The following OSBPL9 variants were observed in gnomAD, a reference collection of about 807,000 sequenced individuals.
The protein encoded by OSBPL9 is oxysterol binding protein like 9.
Under a neutral mutation model 106.6 loss-of-function variants are expected in OSBPL9, and 40 were observed. The observed-to-expected ratio is 0.38, with a 90% CI of 0.29 to 0.49. The LOEUF (loss-of-function observed/expected upper bound fraction) is 0.49, where lower values mean the gene tolerates loss of function less well. Among genes scored for constraint, OSBPL9 ranks in the 20% least tolerant of loss-of-function variants. The pLI is 0.97. For missense variants in OSBPL9, 609 were observed against 887.2 expected (o/e 0.69, Z 3.98); for synonymous variants, 269 against 295.4 (o/e 0.91, Z 0.92).
the OSBPL9 span, among the ~76,000 whole-genome samples, chr1:51,518,644 G>T: frequency 6.6e-6 from 1 of 152,182 alleles, no homozygotes; most frequent in Non-Finnish European, 1.5e-5. Flanking sequence ...GGAAGGGAGG[G>T]CTTCCGTCGG....
At chr1:51,610,995 T>C (rs1019647189) in intron 2 of OSBPL9, among the ~76,000 whole-genome samples, 6 of 152,028 alleles carry the variant, frequency 3.9e-5, no homozygotes, top group African/African-American at 1.5e-4. Context: ...AAAGGTCACT[T>C]CCATCTGTGA....
chr1:51,679,627 C>T (rs1287030602), intron 3 of OSBPL9, among the ~76,000 whole-genome samples: 1 of 152,224 alleles, frequency 6.6e-6, no homozygotes, highest in Admixed American at 6.5e-5. Flanking sequence ...AAATTGCACA[C>T]TCTTCTGCTC....
At chr1:51,544,536 A>G in the OSBPL9 span, among the ~76,000 whole-genome samples, 1 of 152,296 alleles carries the variant, frequency 6.6e-6, no homozygotes, top group South Asian at 2.1e-4. Context: ...ACTTTCGTGT[A>G]GGCTTTTGTT....
At position 51,607,441 on chromosome 1, in the gene OSBPL9, C is replaced by T. The variant is rs372037095; in HGVS notation, c.-352-6864C>T. Among the ~76,000 whole-genome samples the T allele has an allele frequency of 3.9e-5, 6 of 152,084 alleles. No homozygotes were observed. The South Asian group carries it at 1.2e-3, about 32-fold the overall frequency. On this transcript the variant is annotated intron_variant, in intron 2 of 25. Coordinates refer to the OSBPL9 transcript ENST00000371714. ...CCTCCCAAAGAGCTAGGATTACAGG[C>T]GTGAGCCACCACACTTGGCCTACAG...
chr1:51,767,357 T>C (rs856602), intron 12 of OSBPL9, among the ~76,000 whole-genome samples: 148,540 of 151,624 alleles, frequency 0.98, 72,765 homozygotes, highest in East Asian at 1. Flanking sequence ...TGGGCTGCTG[T>C]ACTCCAGCCT....
intron 15 of OSBPL9, 75 bp from the exon 16 acceptor site, chr1:51,781,089 C>A: frequency 6.9e-7 from 1 of 1,439,696 alleles, no homozygotes; most frequent in African/African-American, 1.4e-5. Flanking sequence ...TTAGGTGGAC[C>A]ATGCTGGGGG....
intron 1 of OSBPL9, among the ~76,000 whole-genome samples, chr1:51,649,736 C>CTTTTTTT (rs71578080): frequency 1.0e-5 from 1 of 96,990 alleles, no homozygotes; most frequent in Non-Finnish European, 2.1e-5. Flanking sequence ...ACATGTTAGT[C>CTTTTTTT]TTTTTTTTTT....
the OSBPL9 span, among the ~76,000 whole-genome samples, chr1:51,569,026 T>C: frequency 6.6e-6 from 1 of 152,138 alleles, no homozygotes; most frequent in African/African-American, 2.4e-5. Flanking sequence ...AGCCTTAACT[T>C]AATTTTCAAC....
chr1:51,635,135 G>A (rs1430562167), intron 1 of OSBPL9, among the ~76,000 whole-genome samples: 6 of 152,150 alleles, frequency 3.9e-5, no homozygotes, highest in Non-Finnish European at 8.8e-5. Context: ...TTTTACCTGT[G>A]GGAAAAGTTT....
chr1:51,589,515 AG>A (rs990144240), intron 1 of OSBPL9, among the ~76,000 whole-genome samples: 1 of 152,192 alleles, frequency 6.6e-6, no homozygotes, highest in African/African-American at 2.4e-5. Context: ...AACCGTATAC[AG>A]GGGAATAATA....
At chr1:51,745,684 C>G (rs1458961587) in intron 5 of OSBPL9, 53 bp downstream of exon 5, 3 of 1,418,044 alleles carry the variant, frequency 2.1e-6, no homozygotes, top group East Asian at 5.4e-5. Flanking sequence ...TGTTACTGAG[C>G]TTGATTTTTG....
Position 51,608,459 on chromosome 1 carries a change from A to ATT in OSBPL9, c.-352-5833_-352-5832dup, listed in dbSNP as rs112205799. On this transcript the variant is annotated intron_variant, in intron 2 of 25. Transcript: ENST00000371714. ...AGGAGTGTGCCACCATGCCCAGCTA[A>ATT]TTTTTTTTTTTTTTATTTTTAGTAG... Among the ~76,000 whole-genome samples the ATT allele has an allele frequency of 6.2e-4, 90 of 144,822 alleles. 3 individuals carry two copies. The South Asian group carries it at 0.012, about 19-fold the overall frequency.
intron 1 of OSBPL9, among the ~76,000 whole-genome samples, chr1:51,581,487 A>G (rs1460605327): frequency 6.6e-6 from 1 of 152,194 alleles, no homozygotes; most frequent in Non-Finnish European, 1.5e-5. Context: ...GTCAATATGT[A>G]CAGTCCACAC....
At chr1:51,707,881 C>A in intron 3 of OSBPL9, 1 of 230,716 alleles carries the variant, frequency 4.3e-6, no homozygotes, top group South Asian at 7.5e-5. Context: ...GCACCAGTGT[C>A]ACCCCCATTT....
rs928472654 is a variant in OSBPL9, at chr1:51,749,470, A to G, written c.493-675A>G. On this transcript the variant is annotated intron_variant, in intron 7 of 23. Transcript: ENST00000428468. ...TAGGGCTATAGGCACACGCTACCACACACAGCTAATTTTTATTTTAATTTT... is the reference window on the plus strand; with the variant it reads ...TAGGGCTATAGGCACACGCTACCACGCACAGCTAATTTTTATTTTAATTTT... 4 of 418,030 alleles carry G rather than the reference A, an allele frequency of 9.6e-6. No individual in the cohort carries two copies. The East Asian group carries it at 2.1e-4, about 22-fold the overall frequency. The allele number at this position is 418,030 out of a possible 1,614,324, so 25.9% of individuals were successfully genotyped here. A position where few individuals can be genotyped will look rare whatever the true frequency, so the allele number is the denominator to read the frequency against.
At chr1:51,781,645 A>G (rs1215955236) in intron 16 of OSBPL9, 1 of 244,032 alleles carries the variant, frequency 4.1e-6, no homozygotes, top group Non-Finnish European at 8.1e-6. Flanking sequence ...ATAAATTGAG[A>G]AGGGGCAAAT....
At chr1:51,530,188 AAAAAC>A in the OSBPL9 span, among the ~76,000 whole-genome samples, 508 of 95,372 alleles carry the variant, frequency 5.3e-3, 99 homozygotes, top group African/African-American at 7.5e-3. Context: ...AAAAAAAAAA[AAAAAC>A]AAAAAAAAAA....
chr1:51,787,951 G>A lies in OSBPL9; in HGVS notation c.*162G>A. On this transcript the variant is annotated 3_prime_UTR_variant, in exon 24 of 24. Transcript: ENST00000428468. ...TCTGACGCAGATGAACAATTAAGGG[G>A]AAAAGCTTCCCTTTTCCCTCTGTGG... is the stretch of plus-strand genomic sequence containing the variant. The A allele has an allele frequency of 1.6e-6, 1 of 611,336 alleles. No homozygotes were observed. Among genetic ancestry groups the A allele is most frequent in the Non-Finnish European group, 2.8e-6 (1 of 358,910 alleles). The allele number at this position is 611,336 out of a possible 1,614,324, so 37.9% of individuals were successfully genotyped here. A position where few individuals can be genotyped will look rare whatever the true frequency, so the allele number is the denominator to read the frequency against.
intron 1 of OSBPL9, among the ~76,000 whole-genome samples, chr1:51,636,425 A>C (rs114438937): frequency 0.012 from 1,796 of 149,766 alleles, 37 homozygotes; most frequent in African/African-American, 0.043. Flanking sequence ...GCATCCTCTG[A>C]CTCCTAGGCT....
Sources: gnomAD v4.1 joint callset for allele counts (sites outside exome capture counted in the v4.1 genomes callset) on GRCh38, gnomAD v4.1.1 for gene constraint, MANE v1.5 for transcripts, NCBI Gene and HGNC (gene_info 2026-07-23, HGNC 2026-07-21) for gene names.